Variants in MPO observed in about 807,000 individuals in gnomAD.
MPO encodes myeloperoxidase.
In MPO, 57 loss-of-function variants were observed where a neutral mutation model predicts 69.4. The ratio of observed to expected loss-of-function variants is 0.82; its 90% CI spans 0.66 to 1.02. MPO has a LOEUF of 1.02. Ranked by LOEUF, MPO falls within the 50% of genes least tolerant of loss-of-function variation. The pLI is 0.00. For synonymous variants in MPO, 426 were observed against 417.1 expected (o/e 1.02, Z -0.26); for missense variants, 971 against 1,014.1 (o/e 0.96, Z 0.58).
rs1317237427 is a variant in MPO, at chr17:58,278,109, C to T, written c.922G>A (p.Asp308Asn). The change falls in exon 7 of 12, where the codon GAC becomes AAC. Residue 308 changes from aspartate to asparagine, a missense_variant. Asp to Asn is a conservative substitution (Grantham distance 23). Transcript: ENST00000225275. ...CAGGAGCGGAAGAACGGGATGCAGT[C>T]GGCTTGGTTCTTGATGCGGGGGTCA... ...PNDPRIKNQA[D>N]CIPFFRSCPA... is the part of the protein sequence containing the mutation. The T allele has an allele frequency of 7.5e-6, 12 of 1,605,330 alleles. No individual in the cohort carries two copies. In the South Asian group the frequency reaches 1.1e-4, roughly 15 times the overall value.
chr17:58,279,241 C>T (rs760802535), intron 5 of MPO, 27 bp from the exon 6 acceptor site: 2 of 1,577,810 alleles, frequency 1.3e-6, no homozygotes, highest in Non-Finnish European at 1.7e-6. Flanking sequence ...TCAGCTGGCG[C>T]CTGGGTCCGC....
intron 6 of MPO, among the ~76,000 whole-genome samples, chr17:58,278,600 T>C (rs1970469324): frequency 6.6e-6 from 1 of 151,972 alleles, no homozygotes; most frequent in Admixed American, 6.6e-5. Flanking sequence ...GGCTCTCTCT[T>C]TCTGTGTGAT....
chr17:58,276,156 G>A (rs1970434989), intron 7 of MPO, among the ~76,000 whole-genome samples: 2 of 152,226 alleles, frequency 1.3e-5, no homozygotes, highest in African/African-American at 4.8e-5. Flanking sequence ...GAGTGTCTGG[G>A]AAGAAGCATG....
Position 58,279,042 on chromosome 17 carries a change from C to T in MPO, c.851G>A (p.Ser284Asn). The T allele has an allele frequency of 6.2e-7, 1 of 1,612,308 alleles. No individual in the cohort carries two copies. Among genetic ancestry groups the T allele is most frequent in the Non-Finnish European group, 8.5e-7 (1 of 1,179,594 alleles). Residue 284 changes from serine to asparagine, a missense_variant, in exon 6 of 12, where the codon AGC becomes AAC. By Grantham distance (46) the Ser-to-Asn change is conservative (BLOSUM62 1). Coordinates refer to ENST00000225275, the MANE Select transcript of MPO (RefSeq NM_000250.2). ...GAAGCAGGGCGGCTGCTGAACGCAG[C>T]TGGTCTCGCAGTTGACGCCAGTGAC... is the stretch of plus-strand genomic sequence containing the variant. The part of the protein sequence containing the change: ...SFVTGVNCET[S>N]CVQQPPCFPL...
In MPO at chr17:58,279,320, G is replaced by T; in HGVS notation, c.655C>A (p.Arg219Ser). The T allele has an allele frequency of 6.4e-7, 1 of 1,569,750 alleles. No homozygotes were observed. Among genetic ancestry groups the T allele is most frequent in the South Asian group, 1.2e-5 (1 of 86,512 alleles). ...ACCAGAGCCACCGGGAAGCCGTTGC[G>T]CTTGACCCCGGGCGTCCAGCCGTAG... ...LPYGWTPGVKRNGFPVALARA... is the reference protein window; with the variant it reads ...LPYGWTPGVKSNGFPVALARA... The change falls in exon 5 of 12, where the codon CGC becomes AGC. Residue 219 changes from arginine to serine, a missense_variant. By Grantham distance (110) the Arg-to-Ser change is moderately radical. Transcript: ENST00000225275.
intron 4 of MPO, 36 bp from the exon 5 acceptor site, chr17:58,279,462 T>C: frequency 6.2e-7 from 1 of 1,612,112 alleles, no homozygotes; most frequent in South Asian, 1.1e-5. Flanking sequence ...ACCGGGAGGC[T>C]TGTGGCGTCC....
rs1567829408 is a variant in MPO at position 58,279,182 on chromosome 17, G to A, written c.711C>T (p.Phe237=). The part of the protein sequence containing the change: ...ARAVSNEIVR[F]PTDQLTPDQE... ...GGTCCGGAGTCAGCTGATCAGTGGG[G>A]AAGCGCACGATCTCGTTGGAGACCG... Residue 237 remains phenylalanine, a synonymous_variant, in exon 6 of 12, where the codon TTC becomes TTT. Transcript: ENST00000225275. 1 of 1,610,258 alleles carries A rather than the reference G, an allele frequency of 6.2e-7. No individual in the cohort carries two copies. Among genetic ancestry groups the A allele is most frequent in the Non-Finnish European group, 8.5e-7 (1 of 1,178,416 alleles).
chr17:58,270,559 A>G lies in MPO; in HGVS notation c.*97T>C. On this transcript the variant is annotated 3_prime_UTR_variant, in exon 12 of 12. Transcript: ENST00000225275. The surrounding 1 kb of genome is among the most constrained non-coding windows in gnomAD (Gnocchi z 4.1). ...GTCACTCATTTTCTCAGCTGCACCC[A>G]GAACAGGGCTGGGCTCATCTAGGGC... is the stretch of plus-strand genomic sequence containing the variant. 4 of 996,352 alleles carry G rather than the reference A, an allele frequency of 4.0e-6. No individual in the cohort carries two copies. The Admixed American group carries it at 6.0e-5, about 15-fold the overall frequency. The allele number at this position is 996,352 out of a possible 1,614,324, so 61.7% of individuals were successfully genotyped here.
chr17:58,278,925 A>G (rs1970474301), intron 6 of MPO, 83 bp downstream of exon 6: 1 of 1,480,068 alleles, frequency 6.8e-7, no homozygotes, highest in Non-Finnish European at 9.1e-7. Context: ...GGGAAAGGAA[A>G]CCTGGGCACA....
chr17:58,273,331 C>G, intron 9 of MPO, 83 bp downstream of exon 9: 2 of 1,605,626 alleles, frequency 1.2e-6, no homozygotes, highest in South Asian at 1.1e-5. Flanking sequence ...GACTGCTCCC[C>G]ACCCTAGCTC....
Position 58,270,599 on chromosome 17 carries a change from G to C in MPO, c.*57C>G, listed in dbSNP as rs531709146. 4.2e-6 allele frequency: 6 copies of C among 1,421,130 alleles called. No homozygotes were observed. In the Admixed American group the frequency reaches 1.2e-4, roughly 28 times the overall value. 88.0% of individuals were successfully genotyped at this position (1,421,130 alleles called of 1,614,324 possible). On this transcript the variant is annotated 3_prime_UTR_variant, in exon 12 of 12. Transcript: ENST00000225275. This position sits in a 1 kb window ranked among gnomAD's most constrained non-coding sequence, Gnocchi z 4.1. ...TCATCTAGGGCAAGGAGATCTCCGTGGTTCCAACTGGCCAGCCCAGATATA... is the reference window on the plus strand; with the variant it reads ...TCATCTAGGGCAAGGAGATCTCCGTCGTTCCAACTGGCCAGCCCAGATATA...
At chr17:58,273,767 C>T in intron 8 of MPO, 98 bp from the exon 9 acceptor site, 1 of 1,565,622 alleles carries the variant, frequency 6.4e-7, no homozygotes, top group Non-Finnish European at 8.8e-7. Context: ...CTGCTCTTGG[C>T]TTCGGGGACC....
chr17:58,277,619 G>T, intron 7 of MPO: 2 of 699,104 alleles, frequency 2.9e-6, no homozygotes, highest in Non-Finnish European at 4.9e-6. Context: ...TCCATCTTAG[G>T]GTTGGAGAGG....
chr17:58,278,194 G>C, intron 6 of MPO, 49 bp from the exon 7 acceptor site: 3 of 1,589,252 alleles, frequency 1.9e-6, no homozygotes, highest in Non-Finnish European at 2.6e-6. Context: ...CAAGGAAGGT[G>C]CCCAGGCAGA....
In MPO at chr17:58,280,247, G is replaced by A. The variant is rs914106916; in HGVS notation, c.248+119C>T. The A allele has an allele frequency of 1.7e-5, 19 of 1,097,280 alleles. No individual in the cohort carries two copies. The African/African-American group carries it at 2.8e-4, about 16-fold the overall frequency. The allele number at this position is 1,097,280 out of a possible 1,614,324, so 68.0% of individuals were successfully genotyped here. A position where few individuals can be genotyped will look rare whatever the true frequency, so the allele number is the denominator to read the frequency against. On this transcript the variant is annotated intron_variant, in intron 2 of 11. Coordinates refer to ENST00000225275, the MANE Select transcript of MPO (RefSeq NM_000250.2). ...AACACAGGGACAGACAGACAGAAAGGGAGTCCACATGGGTCCCCATAGTCC... is the reference window on the plus strand; with the variant it reads ...AACACAGGGACAGACAGACAGAAAGAGAGTCCACATGGGTCCCCATAGTCC...
Position 58,271,701 on chromosome 17 carries a change from C to A in MPO, c.1984G>T (p.Ala662Ser). ...KRKGRVGPLL[A>S]CIIGTQFRKL... is the part of the protein sequence containing the mutation. The stretch of plus-strand genomic sequence containing the variant: ...CTGAACTGGGTACCGATGATGCAGG[C>A]GAGGAGTGGGCCCACGCGGCCTTTG... The change falls in exon 11 of 12, where the codon GCC (alanine) becomes TCC (serine). Residue 662 changes from alanine (A) to serine (S), a missense_variant. Coordinates refer to ENST00000225275, the MANE Select transcript of MPO (RefSeq NM_000250.2). 1 of 1,613,932 alleles carries A rather than the reference C, an allele frequency of 6.2e-7. No individual in the cohort carries two copies.
At chr17:58,279,691 C>A in intron 3 of MPO, 45 bp from the exon 4 acceptor site, 1 of 1,613,992 alleles carries the variant, frequency 6.2e-7, no homozygotes, top group South Asian at 1.1e-5. Context: ...GCCTCACTTC[C>A]TATCCCAGGC....
Position 58,279,328 on chromosome 17 carries a change from C to T in MPO, c.647G>A (p.Gly216Glu), listed in dbSNP as rs779913534. ...CACCGGGAAGCCGTTGCGCTTGACC[C>T]CGGGCGTCCAGCCGTAGGGAAGAGA... ...GFSLPYGWTP[G>E]VKRNGFPVAL... Residue 216 changes from glycine to glutamate, a missense_variant, in exon 5 of 12, where the codon GGG becomes GAG. By Grantham distance (98) the Gly-to-Glu change is moderately conservative. Transcript: ENST00000225275. The T allele has an allele frequency of 1.9e-6, 3 of 1,572,532 alleles. No homozygotes were observed. Among genetic ancestry groups the T allele is most frequent in the South Asian group, 2.3e-5 (2 of 86,690 alleles).
In MPO at chr17:58,273,643, G is replaced by A. The variant is rs2143969651; in HGVS notation, c.1392C>T (p.Pro464=). ...TCATGGCCGTTGGCCCCAGCACCAG[G>A]GGCAGGTAGTCCCGGTAAGTGATGA... ...VQIITYRDYL[P]LVLGPTAMRK... The change falls in exon 9 of 12, where the codon CCC becomes CCT. Residue 464 remains proline (P), a synonymous_variant. Transcript: ENST00000225275. The A allele has an allele frequency of 1.9e-6, 3 of 1,614,216 alleles. No individual in the cohort carries two copies. In the East Asian group the frequency reaches 6.7e-5, roughly 36 times the overall value.
Sources: gnomAD v4.1 joint callset for allele counts (sites outside exome capture counted in the v4.1 genomes callset) on GRCh38, gnomAD v4.1.1 for gene constraint, Gnocchi (gnomAD v3.1) non-coding constraint, MANE v1.5 for transcripts, NCBI Gene and HGNC (gene_info 2026-07-23, HGNC 2026-07-21) for gene names.